Variants in WARS1 observed in about 807,000 individuals in gnomAD.
The protein encoded by WARS1 is tryptophan--tRNA ligase, cytoplasmic.
A neutral mutation model predicts 47.8 loss-of-function variants in WARS1; 17 were observed. The ratio of observed to expected loss-of-function variants is 0.36; its 90% CI spans 0.24 to 0.53. WARS1 has a LOEUF of 0.53. Ranked by LOEUF, WARS1 falls within the 20% of genes least tolerant of loss-of-function variation. The probability of loss-of-function intolerance (pLI) is 0.91; values close to 1 mark genes in which losing one functional copy is unlikely to be tolerated. For synonymous variants in WARS1, 208 were observed against 228.1 expected, an observed-to-expected ratio of 0.91 and a Z score of 0.79; for missense variants, 434 against 608.0, an observed-to-expected ratio of 0.71 and a Z score of 3.01.
chr14:100,369,081 A>T lies in WARS1; in HGVS notation c.99+6T>A. On this transcript the variant is annotated splice_donor_region_variant and intron_variant, in intron 2 of 10. Coordinates refer to ENST00000392882, the MANE Select transcript of WARS1 (RefSeq NM_004184.4). ...CCTTCGTGGAGAACCCAGCAAAATC[A>T]TGTACCTTTGACGCATTTCCCGCTT... 1 of 1,532,364 alleles carries T rather than the reference A, an allele frequency of 6.5e-7. No homozygotes were observed. The highest frequency in any genetic ancestry group is 1.2e-5 in the South Asian group (1 of 81,938). The allele number at this position is 1,532,364 out of a possible 1,614,324, so 94.9% of individuals were successfully genotyped here.
intron 6 of WARS1, among the ~76,000 whole-genome samples, chr14:100,350,350 C>T (rs1410509988): frequency 7.1e-6 from 1 of 140,108 alleles, no homozygotes; most frequent in Admixed American, 7.6e-5. Flanking sequence ...CGAGATCATG[C>T]CACTGCTCTC....
chr14:100,334,832 T>TACTGATACATC lies in WARS1; in HGVS notation c.*32_*42dup, dbSNP rs1893595976. On this transcript the variant is annotated 3_prime_UTR_variant, in exon 11 of 11. Transcript: ENST00000392882. ...GACTGGGCTGGGATTATTGATACATTACTGATACATCACTTCTTTTATAAG... is the reference window on the plus strand; with the variant it reads ...GACTGGGCTGGGATTATTGATACATTACTGATACATCACTGATACATCACTTCTTTTATAAG... 6.2e-7 allele frequency: 1 copy of TACTGATACATC among 1,603,816 alleles called. No homozygotes were observed. Among genetic ancestry groups the TACTGATACATC allele is most frequent in the Non-Finnish European group, 8.5e-7 (1 of 1,173,466 alleles).
At chr14:100,336,833 G>GGGT in intron 10 of WARS1, 1 of 483,510 alleles carries the variant, frequency 2.1e-6, no homozygotes, top group East Asian at 3.1e-5. Context: ...AGACTGTTTT[G>GGGT]GGTGGCTCCT....
At chr14:100,346,166 GAAAT>G (rs879649457) in intron 7 of WARS1, among the ~76,000 whole-genome samples, 53,362 of 152,014 alleles carry the variant, frequency 0.35, 11,665 homozygotes, top group South Asian at 0.66. Flanking sequence ...AAGACACATG[GAAAT>G]TTATGGAGAG....
intron 10 of WARS1, among the ~76,000 whole-genome samples, chr14:100,336,149 G>A (rs8004957): frequency 4.0e-5 from 6 of 151,504 alleles, no homozygotes; most frequent in South Asian, 4.2e-4. Context: ...GGTGGCGGGT[G>A]CCTGTAGTCC....
intron 2 of WARS1, among the ~76,000 whole-genome samples, chr14:100,366,464 C>T (rs544734818): frequency 6.6e-6 from 1 of 152,190 alleles, no homozygotes; most frequent in East Asian, 1.9e-4. Flanking sequence ...CCAAGAAACA[C>T]CAAACAGTTG....
At chr14:100,347,192 G>A (rs1894678250) in intron 6 of WARS1, among the ~76,000 whole-genome samples, 1 of 152,248 alleles carries the variant, frequency 6.6e-6, no homozygotes, top group Admixed American at 6.5e-5. Context: ...CAGCAGTTCA[G>A]TGGGCTGTGG....
chr14:100,361,992 T>C, intron 2 of WARS1, 71 bp from the exon 3 acceptor site: 1 of 1,490,654 alleles, frequency 6.7e-7, no homozygotes, highest in Non-Finnish European at 9.3e-7. Context: ...GCCTATTCTG[T>C]GGCAGGCACT....
chr14:100,365,185 C>T (rs944280933), intron 2 of WARS1, among the ~76,000 whole-genome samples: 8 of 150,228 alleles, frequency 5.3e-5, no homozygotes, highest in Admixed American at 3.3e-4. Context: ...AAATCAGGGT[C>T]CCAAATAGTC....
chr14:100,337,067 T>C lies in WARS1; in HGVS notation c.1249A>G (p.Arg417Gly), dbSNP rs1344743717. The C allele has an allele frequency of 3.1e-6, 5 of 1,613,770 alleles. No individual in the cohort carries two copies. Among genetic ancestry groups the C allele is most frequent in the Non-Finnish European group, 3.4e-6 (4 of 1,179,654 alleles). ...CCTTGGGGTTCCCTGCTCACCTTCC[T>C]GATCTGCTCGAGCTTGTCGTCGTCC... ...LEDDDKLEQI[R>G]KDYTSGAMLT... Residue 417 changes from arginine to glycine, a missense_variant, in exon 10 of 11, where the codon AGG becomes GGG. This residue lies in a region of WARS1 where 347 missense variants were observed against 523.8 expected (regional missense o/e 0.66). Transcript: ENST00000392882.
At chr14:100,350,006 C>T (rs557855347) in intron 6 of WARS1, among the ~76,000 whole-genome samples, 4 of 152,344 alleles carry the variant, frequency 2.6e-5, no homozygotes, top group Non-Finnish European at 5.9e-5. Context: ...TCTCTCCTCA[C>T]TTTAGGTTCA....
intron 4 of WARS1, among the ~76,000 whole-genome samples, chr14:100,357,615 C>A (rs761819573): frequency 2.6e-5 from 4 of 152,048 alleles, no homozygotes; most frequent in Non-Finnish European, 5.9e-5. Context: ...GCGCCCACCA[C>A]CATGCCTGCC....
At chr14:100,355,175 G>A (rs778078017) in intron 4 of WARS1, among the ~76,000 whole-genome samples, 9 of 152,086 alleles carry the variant, frequency 5.9e-5, no homozygotes, top group African/African-American at 1.2e-4. Context: ...TCCAGAGACT[G>A]ATTCAATGGA....
intron 4 of WARS1, among the ~76,000 whole-genome samples, 184 bp from the exon 5 acceptor site, chr14:100,354,750 TGTGA>T (rs1171040821): frequency 6.6e-6 from 1 of 152,218 alleles, no homozygotes; most frequent in Non-Finnish European, 1.5e-5. Context: ...TGGTTTCTCC[TGTGA>T]GTGTTTTAAA....
chr14:100,359,119 A>T (rs112249089), intron 4 of WARS1, among the ~76,000 whole-genome samples: 2,498 of 152,340 alleles, frequency 0.016, 36 homozygotes, highest in Non-Finnish European at 0.027. Flanking sequence ...AGTTCCTCAA[A>T]GAGTTAAACA....
At chr14:100,353,493 C>T (rs1220571629) in intron 6 of WARS1, among the ~76,000 whole-genome samples, 194 bp downstream of exon 6, 2 of 152,180 alleles carry the variant, frequency 1.3e-5, no homozygotes, top group African/African-American at 4.8e-5. Flanking sequence ...CGTGACCCGC[C>T]CACCTCGGCC....
intron 1 of WARS1, chr14:100,370,436 CTACGT>C (rs1896276869): frequency 6.6e-6 from 1 of 152,144 alleles, no homozygotes; most frequent in Non-Finnish European, 1.5e-5. Context: ...CAAGATGTAA[CTACGT>C]TACGAGTGCT....
At chr14:100,368,186 G>C (rs779891338) in intron 2 of WARS1, among the ~76,000 whole-genome samples, 4 of 152,174 alleles carry the variant, frequency 2.6e-5, no homozygotes, top group Non-Finnish European at 4.4e-5. Context: ...CAGGGAAAGG[G>C]CTTGGAGATA....
chr14:100,354,436 C>A lies in WARS1; in HGVS notation c.542+11G>T. 1 of 1,611,308 alleles carries A rather than the reference C, an allele frequency of 6.2e-7. No homozygotes were observed. Among genetic ancestry groups the A allele is most frequent in the Non-Finnish European group, 8.5e-7 (1 of 1,179,210 alleles). On this transcript the variant is annotated intron_variant, in intron 5 of 10. Coordinates refer to ENST00000392882, the MANE Select transcript of WARS1 (RefSeq NM_004184.4). ...AAGAGAGTAAGAAAAGCCATAAGAT[C>A]CAATACTTACTTTGTGAAAATAAAT...
Sources: allele counts gnomAD v4.1 joint callset (sites outside exome capture counted in the v4.1 genomes callset), GRCh38; gene constraint gnomAD v4.1.1; regional missense constraint gnomAD v4.1.1; transcripts MANE v1.5; gene names NCBI Gene and HGNC (gene_info 2026-07-23, HGNC 2026-07-21).